The following ANGPT1 variants were observed in gnomAD, a reference collection of about 807,000 sequenced individuals.
ANGPT1 encodes angiopoietin 1, also known as angiopoietin-1.
A neutral mutation model predicts 62.2 loss-of-function variants in ANGPT1; 17 were observed. That is an observed-to-expected ratio of 0.27 (90% CI 0.19 to 0.41). The LOEUF is 0.41. ANGPT1 is among the 10% of genes least tolerant of loss of function. The pLI, the probability that ANGPT1 is intolerant of heterozygous loss-of-function variation, is 1.00. For missense variants in ANGPT1, 478 were observed against 594.9 expected, an observed-to-expected ratio of 0.80 and a Z score of 2.04; for synonymous variants, 199 against 198.9, an observed-to-expected ratio of 1.00 and a Z score of 0.00.
At chr8:107,427,757 G>A (rs1482824660) in intron 1 of ANGPT1, among the ~76,000 whole-genome samples, 1 of 152,178 alleles carries the variant, frequency 6.6e-6, no homozygotes, top group African/African-American at 2.4e-5. Flanking sequence ...GGTAAGACCT[G>A]GGTAAGACCA....
chr8:107,324,215 A>ATGTATATATATATGTG (rs1554582627), intron 3 of ANGPT1, among the ~76,000 whole-genome samples: 10,453 of 144,614 alleles, frequency 0.072, 1,104 homozygotes, highest in African/African-American at 0.23. Flanking sequence ...GTATATATAT[A>ATGTATATATATATGTG]TGTGTGTGTG....
intron 8 of ANGPT1, 113 bp from the exon 9 acceptor site, chr8:107,252,128 G>T: frequency 3.5e-6 from 4 of 1,126,998 alleles, no homozygotes; most frequent in Non-Finnish European, 5.1e-6. Context: ...TTCTTGTTAT[G>T]CTTATTTGCA....
intron 1 of ANGPT1, among the ~76,000 whole-genome samples, chr8:107,357,593 T>G (rs1039680524): frequency 7.2e-5 from 11 of 152,162 alleles, no homozygotes; most frequent in African/African-American, 2.7e-4. Context: ...AAACATTTTC[T>G]GCAAACCACA....
chr8:107,463,579 A>G (rs1317242764), intron 1 of ANGPT1, among the ~76,000 whole-genome samples: 5 of 152,142 alleles, frequency 3.3e-5, no homozygotes, highest in Non-Finnish European at 7.4e-5. Flanking sequence ...GAGTAAACGT[A>G]GAGCAGTGAC....
At chr8:107,322,893 G>T (rs1815189647) in intron 3 of ANGPT1, among the ~76,000 whole-genome samples, 1 of 152,130 alleles carries the variant, frequency 6.6e-6, no homozygotes, top group African/African-American at 2.4e-5. Flanking sequence ...TCTATCTAAA[G>T]TCACAATGAA....
chr8:107,373,790 T>C (rs535200779), intron 1 of ANGPT1, among the ~76,000 whole-genome samples: 3 of 152,240 alleles, frequency 2.0e-5, no homozygotes, highest in South Asian at 2.1e-4. Context: ...ACTTATTGTG[T>C]CTTATAATGA....
intron 1 of ANGPT1, among the ~76,000 whole-genome samples, chr8:107,353,933 T>C (rs1294411588): frequency 6.6e-6 from 1 of 152,100 alleles, no homozygotes; most frequent in Non-Finnish European, 1.5e-5. Flanking sequence ...GAGTGGATGT[T>C]TGTTACTCAG....
intron 3 of ANGPT1, 129 bp downstream of exon 3, chr8:107,336,021 T>G (rs1216765155): frequency 1.2e-6 from 1 of 814,062 alleles, no homozygotes; most frequent in Non-Finnish European, 1.7e-6. Flanking sequence ...ATTTTTATAT[T>G]AATATTAATT....
chr8:107,356,820 G>A (rs1157607686), intron 1 of ANGPT1, among the ~76,000 whole-genome samples: 3 of 152,208 alleles, frequency 2.0e-5, no homozygotes, highest in Non-Finnish European at 4.4e-5. Flanking sequence ...CACACATGCG[G>A]CAAGGGCACA....
Position 107,293,971 on chromosome 8 carries a change from G to A in ANGPT1, c.1003C>T (p.Leu335=). 2 of 1,613,202 alleles carry A rather than the reference G, an allele frequency of 1.2e-6. No homozygotes were observed. The highest frequency in any genetic ancestry group is 1.7e-4 in the Middle Eastern group (1 of 6,056). The change falls in exon 6 of 9, where the codon CTA becomes TTA. Residue 335 remains leucine (L), a synonymous_variant. Coordinates refer to ENST00000517746, the MANE Select transcript of ANGPT1 (RefSeq NM_001146.5). ...TVIQHREDGS[L]DFQRGWKEYK... is the part of the protein sequence containing the mutation. The stretch of plus-strand genomic sequence containing the variant: ...TCCTTCCAGCCTCTTTGGAAATCTA[G>A]ACTTCCATCTTCACGATGTTGTATT...
intron 1 of ANGPT1, among the ~76,000 whole-genome samples, chr8:107,463,464 G>A (rs1016349499): frequency 3.3e-5 from 5 of 152,074 alleles, no homozygotes; most frequent in African/African-American, 1.2e-4. Flanking sequence ...GAAAACTAAT[G>A]CAGCCCCCAA....
At chr8:107,315,554 A>T (rs1320754349) in intron 4 of ANGPT1, among the ~76,000 whole-genome samples, 1 of 152,092 alleles carries the variant, frequency 6.6e-6, no homozygotes, top group Non-Finnish European at 1.5e-5. Context: ...TGAAAAGAAC[A>T]TCCTTCATAA....
rs201546745 is a variant in ANGPT1, at chr8:107,441,224, CT to C, written c.297+56037del. On this transcript the variant is annotated intron_variant, in intron 1 of 8. Coordinates refer to ENST00000517746, the MANE Select transcript of ANGPT1 (RefSeq NM_001146.5). The stretch of plus-strand genomic sequence containing the variant: ...AAATTGATTACCTTCCAAGCAAGTG[CT>C]GTCTATCTATCCTTAATCATCTTTC... Among the ~76,000 whole-genome samples the C allele has an allele frequency of 6.8e-3, 1,031 of 152,150 alleles. 10 individuals are homozygous for C. The highest frequency in any genetic ancestry group is 0.024 in the African/African-American group (997 of 41,512).
At chr8:107,444,335 T>C (rs958134037) in intron 1 of ANGPT1, among the ~76,000 whole-genome samples, 1 of 152,160 alleles carries the variant, frequency 6.6e-6, no homozygotes, top group African/African-American at 2.4e-5. Flanking sequence ...CCATACACAA[T>C]TTATGAGGAA....
chr8:107,482,811 C>T (rs372685532), intron 1 of ANGPT1, among the ~76,000 whole-genome samples: 21 of 152,156 alleles, frequency 1.4e-4, no homozygotes, highest in African/African-American at 4.3e-4. Flanking sequence ...TTTTTAAACT[C>T]GATCTTCCTT....
chr8:107,454,922 C>T (rs1811877415), intron 1 of ANGPT1, among the ~76,000 whole-genome samples: 1 of 152,060 alleles, frequency 6.6e-6, no homozygotes, highest in Admixed American at 6.6e-5. Flanking sequence ...GGGTGTACTT[C>T]CTCAAAACAT....
At chr8:107,425,130 C>T (rs1266888441) in intron 1 of ANGPT1, among the ~76,000 whole-genome samples, 1 of 152,210 alleles carries the variant, frequency 6.6e-6, no homozygotes, top group East Asian at 1.9e-4. Context: ...ACCTCAGCCT[C>T]CCAAAGTGCT....
chr8:107,254,347 T>C (rs899297911), intron 8 of ANGPT1, among the ~76,000 whole-genome samples: 10 of 152,152 alleles, frequency 6.6e-5, no homozygotes, highest in Non-Finnish European at 7.4e-5. Flanking sequence ...CTTGCCTTCA[T>C]GAAACTCACT....
chr8:107,410,893 A>C (rs961275056), intron 1 of ANGPT1, among the ~76,000 whole-genome samples: 2 of 152,152 alleles, frequency 1.3e-5, no homozygotes, highest in African/African-American at 4.8e-5. Context: ...AGTATTATTA[A>C]GCTCTTGAGC....
Sources: gnomAD v4.1 joint callset for allele counts (sites outside exome capture counted in the v4.1 genomes callset) on GRCh38, gnomAD v4.1.1 for gene constraint, MANE v1.5 for transcripts, NCBI Gene and HGNC (gene_info 2026-07-23, HGNC 2026-07-21) for gene names.